PTPRS: variants seen among roughly 807,000 people sequenced by gnomAD.
PTPRS encodes the protein receptor-type tyrosine-protein phosphatase S.
Under a neutral mutation model 215.3 loss-of-function variants are expected in PTPRS, and 63 were observed. The ratio of observed to expected loss-of-function variants is 0.29; its 90% CI spans 0.24 to 0.36. The LOEUF is 0.36. PTPRS is among the 10% of genes least tolerant of loss of function. The pLI, the probability that PTPRS is intolerant of heterozygous loss-of-function variation, is 1.00. For missense variants in PTPRS, 2,258 were observed against 2,825.8 expected (o/e 0.80, Z 4.56); for synonymous variants, 1,404 against 1,191.4 (o/e 1.18, Z -3.68).
At chr19:5,215,470 T>C in intron 27 of PTPRS, 28 bp downstream of exon 27, 1 of 1,531,854 alleles carries the variant, frequency 6.5e-7, no homozygotes, top group Non-Finnish European at 8.9e-7. Context: ...GCCGAGGTGA[T>C]GAGGGTGGGA....
Position 5,257,910 on chromosome 19 carries a change from G to A in PTPRS, c.706+107C>T, listed in dbSNP as rs2045692798. The A allele has an allele frequency of 4.3e-6, 4 of 936,452 alleles. No homozygotes were observed. The South Asian group carries it at 6.1e-5, about 14-fold the overall frequency. 58.0% of individuals were successfully genotyped at this position (936,452 alleles called of 1,614,324 possible). Reference sequence around the variant, plus strand: ...ACCGCGACCGGGGAGGGGCCTTCCTGCTTGGGTGTGCAGGGGACGGGGGAG... The same window carrying A: ...ACCGCGACCGGGGAGGGGCCTTCCTACTTGGGTGTGCAGGGGACGGGGGAG... On this transcript the variant is annotated intron_variant, in intron 8 of 37. Coordinates refer to ENST00000262963, the MANE Select transcript of PTPRS (RefSeq NM_002850.4). The surrounding 1 kb of genome is among the most constrained non-coding windows in gnomAD (Gnocchi z 4.4).
intron 1 of PTPRS, among the ~76,000 whole-genome samples, chr19:5,335,332 TAGAGATG>T (rs1354468322): frequency 6.6e-6 from 1 of 152,184 alleles, no homozygotes; most frequent in East Asian, 1.9e-4. Flanking sequence ...GTACTGATCT[TAGAGATG>T]AGAGAACACA....
At position 5,221,266 on chromosome 19, in the gene PTPRS, G is replaced by C; in HGVS notation, c.3202-13C>G. 1 of 1,605,692 alleles carries C rather than the reference G, an allele frequency of 6.2e-7. No homozygotes were observed. Among genetic ancestry groups the C allele is most frequent in the Non-Finnish European group, 8.5e-7 (1 of 1,175,002 alleles). On this transcript the variant is annotated splice_polypyrimidine_tract_variant and intron_variant, in intron 19 of 37. Transcript: ENST00000262963. ...CATTGTACTGGATCTGCGGACCAGG[G>C]CTAGCTCAGCAGGGCCTGGTGGGCT... is the stretch of plus-strand genomic sequence containing the variant.
Position 5,244,071 on chromosome 19 carries a change from T to C in PTPRS, c.1400A>G (p.Glu467Gly), listed in dbSNP as rs1568464586. Residue 467 changes from glutamate to glycine, a missense_variant, in exon 11 of 38, where the codon GAA (glutamate) becomes GGA (glycine). By Grantham distance (98) the Glu-to-Gly change is moderately conservative (BLOSUM62 -2). Coordinates refer to ENST00000262963, the MANE Select transcript of PTPRS (RefSeq NM_002850.4). This position sits in a 1 kb window ranked among gnomAD's most constrained non-coding sequence, Gnocchi z 7.2. ...IRGYRVYYTM[E>G]PEHPVGNWQK... ...CCAGTTGCCCACGGGGTGCTCCGGT[T>C]CCATGGTGTAGTAGACGCGGTAGCC... The C allele has an allele frequency of 6.2e-7, 1 of 1,610,798 alleles. No homozygotes were observed. Among genetic ancestry groups the C allele is most frequent in the Non-Finnish European group, 8.5e-7 (1 of 1,179,886 alleles).
At chr19:5,281,788 G>A (rs2047871819) in intron 2 of PTPRS, among the ~76,000 whole-genome samples, 1 of 152,162 alleles carries the variant, frequency 6.6e-6, no homozygotes, top group South Asian at 2.1e-4. Flanking sequence ...GGGTAGAGAC[G>A]CATCCAGCTG....
At chr19:5,247,220 T>A (rs947257029) in intron 9 of PTPRS, among the ~76,000 whole-genome samples, 4 of 132,832 alleles carry the variant, frequency 3.0e-5, no homozygotes, top group African/African-American at 8.0e-5. Flanking sequence ...TAATAATAAT[T>A]AATAATAATA....
At chr19:5,311,216 G>A (rs1438719526) in intron 1 of PTPRS, among the ~76,000 whole-genome samples, 2 of 152,118 alleles carry the variant, frequency 1.3e-5, no homozygotes, top group Middle Eastern at 6.3e-3. Flanking sequence ...CACCATGTTG[G>A]CCAGGCTGGT....
At position 5,339,015 on chromosome 19, in the gene PTPRS, AC is replaced by A. The variant is rs1246227592; in HGVS notation, c.-95+1648del. Among the ~76,000 whole-genome samples, 1 of 151,992 alleles carries A rather than the reference AC, an allele frequency of 6.6e-6. No homozygotes were observed. The highest frequency in any genetic ancestry group is 2.4e-5 in the African/African-American group (1 of 41,406). On this transcript the variant is annotated intron_variant, in intron 1 of 37. Transcript: ENST00000262963. This position sits in a 1 kb window ranked among gnomAD's most constrained non-coding sequence, Gnocchi z 4.2. ...GAGCGTGTGGGTCCCTGTCCTTGGG[AC>A]CCTAGGGGTCTCTTCCTGCCTCCTC... is the stretch of plus-strand genomic sequence containing the variant.
At chr19:5,300,240 C>T (rs1032291422) in intron 1 of PTPRS, among the ~76,000 whole-genome samples, 1 of 113,462 alleles carries the variant, frequency 8.8e-6, no homozygotes, top group Non-Finnish European at 1.9e-5. Flanking sequence ...GACTCCATCT[C>T]AAAAAAAAAA....
intron 1 of PTPRS, among the ~76,000 whole-genome samples, chr19:5,302,208 T>A (rs10406515): frequency 0.67 from 101,874 of 151,780 alleles, 34,674 homozygotes; most frequent in African/African-American, 0.76. Flanking sequence ...CTAAAAAAAA[T>A]TAAAAATTAG....
Position 5,222,749 on chromosome 19 carries a change from G to T in PTPRS, c.3043C>A (p.Arg1015Ser). The stretch of plus-strand genomic sequence containing the variant: ...GGGCTGAAGGGGCCAGGGCCCCGGC[G>T]CGTGTGGGCTCGCACTTGGAGGTCA... ...AYDLQVRAHT[R>S]RGPGPFSPPV... The change falls in exon 18 of 38, where the codon CGC becomes AGC. Residue 1015 changes from arginine (R) to serine (S), a missense_variant. Physicochemically the swap from Arg to Ser is moderately radical, Grantham distance 110. Transcript: ENST00000262963. 2 of 1,598,444 alleles carry T rather than the reference G, an allele frequency of 1.3e-6. No homozygotes were observed. Among genetic ancestry groups the T allele is most frequent in the Non-Finnish European group, 8.5e-7 (1 of 1,178,306 alleles).
In PTPRS at chr19:5,206,580, G is replaced by A. The variant is rs1453082894; in HGVS notation, c.*194C>T. On this transcript the variant is annotated 3_prime_UTR_variant, in exon 38 of 38. Transcript: ENST00000262963. ...TTTGAAGGCGGCGGCCGGTGCCAGGGAGGTCGCTGGGGCGGCCGGGGCCGG... is the reference window on the plus strand; with the variant it reads ...TTTGAAGGCGGCGGCCGGTGCCAGGAAGGTCGCTGGGGCGGCCGGGGCCGG... 3.7e-6 allele frequency: 2 copies of A among 543,624 alleles called. No homozygotes were observed. The highest frequency in any genetic ancestry group is 2.2e-5 in the South Asian group (1 of 45,276). The allele number at this position is 543,624 out of a possible 1,614,324, so 33.7% of individuals were successfully genotyped here. A position where few individuals can be genotyped will look rare whatever the true frequency, so the allele number is the denominator to read the frequency against.
chr19:5,256,898 G>A (rs1014962144), intron 8 of PTPRS, among the ~76,000 whole-genome samples: 1 of 151,936 alleles, frequency 6.6e-6, no homozygotes, highest in Non-Finnish European at 1.5e-5. Context: ...TGAGCCACAC[G>A]GCCTCCTGGA....
At chr19:5,265,430 A>C (rs934522925) in intron 4 of PTPRS, among the ~76,000 whole-genome samples, 7 of 152,038 alleles carry the variant, frequency 4.6e-5, no homozygotes, top group African/African-American at 1.7e-4. Context: ...CAGTCTCAAC[A>C]ACCTGGGCTC....
At chr19:5,315,267 T>A (rs1357370110) in intron 1 of PTPRS, among the ~76,000 whole-genome samples, 1 of 151,916 alleles carries the variant, frequency 6.6e-6, no homozygotes, top group East Asian at 1.9e-4. Context: ...ATTTCCATAT[T>A]TTATTGCAAA....
chr19:5,205,799 G>A lies in PTPRS; in HGVS notation c.*975C>T, dbSNP rs1438829992. Among the ~76,000 whole-genome samples, 3 of 152,022 alleles carry A rather than the reference G, an allele frequency of 2.0e-5. No individual in the cohort carries two copies. Among genetic ancestry groups the A allele is most frequent in the Non-Finnish European group, 4.4e-5 (3 of 68,012 alleles). Reference sequence around the variant, plus strand: ...TAGGATCCTCTCTGTCTCCTTGGGGGCGGGAGACGGGGAGACAGCTCAGGC... The same window carrying A: ...TAGGATCCTCTCTGTCTCCTTGGGGACGGGAGACGGGGAGACAGCTCAGGC... On this transcript the variant is annotated 3_prime_UTR_variant, in exon 38 of 38. Transcript: ENST00000262963.
At chr19:5,239,107 G>T (rs1353741847) in intron 12 of PTPRS, 44 bp from the exon 13 acceptor site, 4 of 1,483,108 alleles carry the variant, frequency 2.7e-6, no homozygotes, top group East Asian at 4.8e-5. Context: ...GGGGGAGAGA[G>T]AGAGAGAGAC....
At chr19:5,265,671 G>A (rs1472138538) in intron 4 of PTPRS, among the ~76,000 whole-genome samples, 1 of 151,984 alleles carries the variant, frequency 6.6e-6, no homozygotes, top group East Asian at 1.9e-4. Context: ...GGGGGAGGCT[G>A]GTGTCAGGGA....
intron 35 of PTPRS, among the ~76,000 whole-genome samples, chr19:5,209,624 C>T (rs2040679451): frequency 6.6e-6 from 1 of 152,164 alleles, no homozygotes. Context: ...TTGATTTTCT[C>T]CACCCCCTGC....
Sources: gnomAD v4.1 joint callset for allele counts (sites outside exome capture counted in the v4.1 genomes callset) on GRCh38, gnomAD v4.1.1 for gene constraint, Gnocchi (gnomAD v3.1) non-coding constraint, MANE v1.5 for transcripts, NCBI Gene and HGNC (gene_info 2026-07-23, HGNC 2026-07-21) for gene names.